Variants in HIVEP2 observed in about 807,000 individuals in gnomAD.
HIVEP2 encodes the protein HIVEP zinc finger 2.
A neutral mutation model predicts 180.7 loss-of-function variants in HIVEP2; 14 were observed. That is an observed-to-expected ratio of 0.08 (90% CI 0.05 to 0.12). The LOEUF (loss-of-function observed/expected upper bound fraction) is 0.12, where lower values mean the gene tolerates loss of function less well. Among genes scored for constraint, HIVEP2 ranks in the 10% least tolerant of loss-of-function variants. The pLI is 1.00. For synonymous variants in HIVEP2, 1,184 were observed against 1,136.4 expected, an observed-to-expected ratio of 1.04 and a Z score of -0.84; for missense variants, 2,579 against 3,008.5, an observed-to-expected ratio of 0.86 and a Z score of 3.34.
chr6:142,792,707 C>G (rs1776168747), intron 2 of HIVEP2, among the ~76,000 whole-genome samples: 1 of 151,490 alleles, frequency 6.6e-6, no homozygotes, highest in African/African-American at 2.4e-5. Flanking sequence ...GCACATGTAT[C>G]CCAGAATTTA....
chr6:142,927,260 A>ACGCACTGGCCGGG (rs1777842361), intron 1 of HIVEP2, among the ~76,000 whole-genome samples: 1 of 152,190 alleles, frequency 6.6e-6, no homozygotes, highest in Admixed American at 6.5e-5. Context: ...TGTTTGGAGG[A>ACGCACTGGCCGGG]CGCACTGGCC....
At position 142,773,586 on chromosome 6, in the gene HIVEP2, G is replaced by A. The variant is rs1293156582; in HGVS notation, c.1153C>T (p.Leu385Phe). The A allele has an allele frequency of 2.5e-6, 4 of 1,614,226 alleles. No homozygotes were observed. Among genetic ancestry groups the A allele is most frequent in the Non-Finnish European group, 3.4e-6 (4 of 1,180,048 alleles). Reference sequence around the variant, plus strand: ...TTACTGTGCGGGCTCAGAAGGTTGAGCGATGGCTCAGAATCTTGTCCTTTT... The same window carrying A: ...TTACTGTGCGGGCTCAGAAGGTTGAACGATGGCTCAGAATCTTGTCCTTTT... ...EKKGQDSEPS[L>F]NLLSPHSKGS... Residue 385 changes from leucine (L) to phenylalanine (F), a missense_variant, in exon 5 of 10, where the codon CTC (leucine) becomes TTC (phenylalanine). Around this residue, in one of 11 missense-constraint regions of HIVEP2, gnomAD observed 47 missense variants for 92.5 expected, o/e 0.51. Coordinates refer to ENST00000367603, the MANE Select transcript of HIVEP2 (RefSeq NM_006734.4).
intron 1 of HIVEP2, among the ~76,000 whole-genome samples, chr6:142,910,245 G>A (rs1777368696): frequency 6.6e-6 from 1 of 152,192 alleles, no homozygotes; most frequent in African/African-American, 2.4e-5. Flanking sequence ...ACCCATTTAA[G>A]AAGATAATTT....
At chr6:142,938,810 G>A (rs1422599730) in intron 1 of HIVEP2, among the ~76,000 whole-genome samples, 6 of 152,204 alleles carry the variant, frequency 3.9e-5, no homozygotes, top group East Asian at 3.9e-4. Flanking sequence ...TTCTTGCAGA[G>A]AAAATGAAAC....
intron 1 of HIVEP2, among the ~76,000 whole-genome samples, chr6:142,867,217 T>A (rs968343887): frequency 2.6e-5 from 4 of 152,230 alleles, no homozygotes; most frequent in South Asian, 4.1e-4. Flanking sequence ...TAGTCTTTTT[T>A]TTTCTTTGCA....
chr6:142,774,050 C>T lies in HIVEP2; in HGVS notation c.689G>A (p.Ser230Asn). 1.2e-6 allele frequency: 2 copies of T among 1,614,222 alleles called. No homozygotes were observed. The change falls in exon 5 of 10, where the codon AGC becomes AAC. Residue 230 changes from serine (S) to asparagine (N), a missense_variant. Coordinates refer to ENST00000367603, the MANE Select transcript of HIVEP2 (RefSeq NM_006734.4). The surrounding 1 kb of genome is among the most constrained non-coding windows in gnomAD (Gnocchi z 5.1). ...TGACTTCCTGTGCTTGTACAAATTGCTCTTTGTCTTGAAAGAGAAACCACA... is the reference window on the plus strand; with the variant it reads ...TGACTTCCTGTGCTTGTACAAATTGTTCTTTGTCTTGAAAGAGAAACCACA... ...IPCGFSFKTK[S>N]NLYKHRKSHA...
chr6:142,772,155 T>C lies in HIVEP2; in HGVS notation c.2584A>G (p.Lys862Glu), dbSNP rs758866820. Residue 862 changes from lysine (K) to glutamate (E), a missense_variant, in exon 5 of 10, where the codon AAA becomes GAA. Around this residue, in one of 11 missense-constraint regions of HIVEP2, gnomAD observed 524 missense variants for 563.6 expected, o/e 0.93. Coordinates refer to ENST00000367603, the MANE Select transcript of HIVEP2 (RefSeq NM_006734.4). The surrounding 1 kb of genome is among the most constrained non-coding windows in gnomAD (Gnocchi z 4.9). ...TGCACCTGCTGAGATGGAGAGGGTT[T>C]CCCCCCACTTTCTGCACCATCCCCA... ...PPGDGAESGGKPSPSQQVQQQ... is the reference protein window; with the variant it reads ...PPGDGAESGGEPSPSQQVQQQ... 7 of 1,614,076 alleles carry C rather than the reference T, an allele frequency of 4.3e-6. No individual in the cohort carries two copies. In the South Asian group the frequency reaches 4.4e-5, roughly 10 times the overall value.
intron 1 of HIVEP2, among the ~76,000 whole-genome samples, chr6:142,842,882 G>A (rs555617129): frequency 6.6e-6 from 1 of 152,198 alleles, no homozygotes; most frequent in East Asian, 1.9e-4. Context: ...TACAGTCCTG[G>A]TGACCTCAGA....
rs1290792303 is a variant in HIVEP2 at position 142,773,389 on chromosome 6, C to A, written c.1350G>T (p.Met450Ile). The change falls in exon 5 of 10, where the codon ATG (methionine) becomes ATT (isoleucine). Residue 450 changes from methionine (M) to isoleucine (I), a missense_variant. Met to Ile is a conservative substitution (Grantham distance 10). Coordinates refer to ENST00000367603, the MANE Select transcript of HIVEP2 (RefSeq NM_006734.4). ...VTTTSQERAA[M>I]GRKGIMEPLP... ...ATGGTTCCATTATGCCCTTCCTACC[C>A]ATTGCGGCACGCTCCTGACTTGTGG... 6.2e-7 allele frequency: 1 copy of A among 1,614,174 alleles called. No homozygotes were observed. The highest frequency in any genetic ancestry group is 2.2e-5 in the East Asian group (1 of 44,882).
rs935812518 is a variant in HIVEP2 at position 142,770,125 on chromosome 6, C to T, written c.4614G>A (p.Leu1538=). 5.6e-6 allele frequency: 9 copies of T among 1,614,086 alleles called. No individual in the cohort carries two copies. Among genetic ancestry groups the T allele is most frequent in the South Asian group, 3.3e-5 (3 of 91,090 alleles). ...SVSPSSREPF[L]PSKEMLSGSR... is the part of the protein sequence containing the mutation. ...AACCGGAAAGCATCTCCTTGCTGGG[C>T]AGGAATGGCTCCCTGGAAGACGGGC... Residue 1538 remains leucine, a synonymous_variant, in exon 5 of 10, where the codon CTG becomes CTA. Coordinates refer to ENST00000367603, the MANE Select transcript of HIVEP2 (RefSeq NM_006734.4). This position sits in a 1 kb window ranked among gnomAD's most constrained non-coding sequence, Gnocchi z 4.7.
chr6:142,893,553 A>G (rs1776912285), intron 1 of HIVEP2, among the ~76,000 whole-genome samples: 1 of 152,216 alleles, frequency 6.6e-6, no homozygotes, highest in African/African-American at 2.4e-5. Flanking sequence ...ACAAAGGTTT[A>G]GTATCTTGCC....
At chr6:142,804,558 C>G (rs1406975274) in intron 2 of HIVEP2, among the ~76,000 whole-genome samples, 2 of 151,920 alleles carry the variant, frequency 1.3e-5, no homozygotes, top group African/African-American at 2.4e-5. Flanking sequence ...AAAAAATACA[C>G]ATTTGGAGGT....
intron 1 of HIVEP2, among the ~76,000 whole-genome samples, chr6:142,926,563 G>A (rs1283868769): frequency 2.0e-5 from 3 of 152,256 alleles, no homozygotes; most frequent in Non-Finnish European, 4.4e-5. Context: ...CAGGCCTCCT[G>A]AGGTCAGCGC....
intron 1 of HIVEP2, among the ~76,000 whole-genome samples, chr6:142,852,294 T>A (rs1775701908): frequency 6.6e-6 from 1 of 152,200 alleles, no homozygotes; most frequent in Admixed American, 6.5e-5. Flanking sequence ...AGAAGTAGCA[T>A]TTCGCTTTTT....
chr6:142,755,772 A>G (rs1775049868), intron 9 of HIVEP2, among the ~76,000 whole-genome samples: 1 of 152,214 alleles, frequency 6.6e-6, no homozygotes, highest in African/African-American at 2.4e-5. Flanking sequence ...GAAAGTTTCA[A>G]ATTCAGCCCT....
intron 2 of HIVEP2, among the ~76,000 whole-genome samples, chr6:142,793,814 C>T (rs1413497660): frequency 6.6e-6 from 1 of 151,592 alleles, no homozygotes; most frequent in African/African-American, 2.4e-5. Flanking sequence ...CTATAGGTGC[C>T]CACCACCATA....
At chr6:142,901,053 G>A (rs1024432928) in intron 1 of HIVEP2, among the ~76,000 whole-genome samples, 2 of 152,132 alleles carry the variant, frequency 1.3e-5, no homozygotes, top group South Asian at 2.1e-4. Flanking sequence ...GCTCATCTTC[G>A]TATTCTGCGT....
intron 1 of HIVEP2, among the ~76,000 whole-genome samples, chr6:142,896,515 G>A (rs545538105): frequency 2.6e-5 from 4 of 152,066 alleles, no homozygotes; most frequent in East Asian, 3.9e-4. Context: ...TCTGAATGTC[G>A]GCCTCTCATT....
At chr6:142,896,629 G>T (rs1777002011) in intron 1 of HIVEP2, among the ~76,000 whole-genome samples, 1 of 151,884 alleles carries the variant, frequency 6.6e-6, no homozygotes, top group East Asian at 1.9e-4. Flanking sequence ...AAATAAATTT[G>T]CCTTTCACTT....
Sources: gnomAD v4.1 joint callset for allele counts (sites outside exome capture counted in the v4.1 genomes callset) on GRCh38, gnomAD v4.1.1 for gene constraint, gnomAD v4.1.1 regional missense constraint, Gnocchi (gnomAD v3.1) non-coding constraint, MANE v1.5 for transcripts, NCBI Gene and HGNC (gene_info 2026-07-23, HGNC 2026-07-21) for gene names.